BZW2: variants seen among roughly 807,000 people sequenced by gnomAD.
BZW2 encodes basic leucine zipper and W2 domains 2, also known as eIF5-mimic protein 1.
A neutral mutation model predicts 53.2 loss-of-function variants in BZW2; 23 were observed. That is an observed-to-expected ratio of 0.43 (90% CI 0.31 to 0.61). The LOEUF (loss-of-function observed/expected upper bound fraction) is 0.61, where lower values mean the gene tolerates loss of function less well. BZW2 is among the 20% of genes least tolerant of loss of function. BZW2 has a pLI of 0.09. For missense variants in BZW2, 409 were observed against 503.1 expected, an observed-to-expected ratio of 0.81 and a Z score of 1.79; for synonymous variants, 227 against 186.4, an observed-to-expected ratio of 1.22 and a Z score of -1.77.
At chr7:16,704,521 T>C (rs371420018) in intron 10 of BZW2, 26 bp from the exon 11 acceptor site, 2 of 1,502,538 alleles carry the variant, frequency 1.3e-6, no homozygotes, top group South Asian at 1.3e-5. Context: ...TATAGTAACT[T>C]TGAAATCTTT....
chr7:16,690,002 TG>T, intron 7 of BZW2, 96 bp downstream of exon 7: 4 of 775,498 alleles, frequency 5.2e-6, no homozygotes, highest in Non-Finnish European at 7.7e-6. Flanking sequence ...TCCCTGGATC[TG>T]TGTTGACTTG....
chr7:16,667,839 A>G (rs568543369), intron 2 of BZW2, among the ~76,000 whole-genome samples: 2 of 152,292 alleles, frequency 1.3e-5, no homozygotes, highest in African/African-American at 4.8e-5. Context: ...AGCCTGAGCC[A>G]CTTCTCTATT....
intron 1 of BZW2, among the ~76,000 whole-genome samples, chr7:16,656,555 G>GCGCA (rs1321463865): frequency 1.4e-3 from 191 of 141,296 alleles, no homozygotes; most frequent in African/African-American, 4.6e-3. Flanking sequence ...GCGCGCGCGC[G>GCGCA]CACACACACA....
rs1783426673 is a variant in BZW2 at position 16,694,794 on chromosome 7, G to A, written c.652-40G>A. The A allele has an allele frequency of 4.9e-6, 7 of 1,432,284 alleles. No individual in the cohort carries two copies. In the East Asian group the frequency reaches 1.6e-4, roughly 33 times the overall value. 88.7% of individuals were successfully genotyped at this position (1,432,284 alleles called of 1,614,324 possible). Reference sequence around the variant, plus strand: ...TTGTCCTTTATGCTTGCTGAAATTTGAATGGCTTGTTTTATAGCAGTCTTT... The same window carrying A: ...TTGTCCTTTATGCTTGCTGAAATTTAAATGGCTTGTTTTATAGCAGTCTTT... On this transcript the variant is annotated intron_variant, in intron 7 of 11. Transcript: ENST00000258761.
intron 1 of BZW2, among the ~76,000 whole-genome samples, chr7:16,658,013 G>A (rs1399128769): frequency 3.3e-5 from 5 of 152,204 alleles, no homozygotes; most frequent in Non-Finnish European, 7.3e-5. Flanking sequence ...TAGTGTATAT[G>A]TGTTTGTGTC....
chr7:16,676,573 T>C (rs1782771581), intron 3 of BZW2, among the ~76,000 whole-genome samples: 1 of 141,032 alleles, frequency 7.1e-6, no homozygotes, highest in Non-Finnish European at 1.5e-5. Context: ...CCTATTTACA[T>C]ACACCTTTAA....
At chr7:16,694,395 C>T (rs1783414456) in intron 7 of BZW2, among the ~76,000 whole-genome samples, 1 of 152,156 alleles carries the variant, frequency 6.6e-6, no homozygotes, top group Non-Finnish European at 1.5e-5. Flanking sequence ...GGTGGGGACT[C>T]TGCAGTGTCC....
chr7:16,683,062 G>A (rs1009582244), intron 5 of BZW2, among the ~76,000 whole-genome samples: 1 of 152,050 alleles, frequency 6.6e-6, no homozygotes, highest in African/African-American at 2.4e-5. Context: ...CGGGCATGGT[G>A]GCATGCACCT....
rs1369841398 is a variant in BZW2 at position 16,706,327 on chromosome 7, C to T, written c.*239C>T. 7 of 454,292 alleles carry T rather than the reference C, an allele frequency of 1.5e-5. No individual in the cohort carries two copies. The allele number at this position is 454,292 out of a possible 1,614,324, so 28.1% of individuals were successfully genotyped here. A position where few individuals can be genotyped will look rare whatever the true frequency, so the allele number is the denominator to read the frequency against. ...TCACTCACTATATGCTAACTTAAAG[C>T]CATTCAACAAGGAGTCAAGTAGATC... is the stretch of plus-strand genomic sequence containing the variant. On this transcript the variant is annotated 3_prime_UTR_variant, in exon 12 of 12. Transcript: ENST00000258761.
chr7:16,657,945 T>C (rs1782160976), intron 1 of BZW2, among the ~76,000 whole-genome samples: 1 of 152,202 alleles, frequency 6.6e-6, no homozygotes, highest in Non-Finnish European at 1.5e-5. Flanking sequence ...TAAAGTACCC[T>C]GAAACATTAT....
chr7:16,680,790 G>A (rs1020008293), intron 3 of BZW2, among the ~76,000 whole-genome samples: 5 of 151,978 alleles, frequency 3.3e-5, no homozygotes, highest in Admixed American at 6.6e-5. Context: ...GCAATAGAGC[G>A]AAACCCTGTC....
chr7:16,658,318 G>A (rs1012562303), intron 1 of BZW2, among the ~76,000 whole-genome samples: 1 of 152,194 alleles, frequency 6.6e-6, no homozygotes, highest in Non-Finnish European at 1.5e-5. Flanking sequence ...GTGACATTGT[G>A]TAGTTGCCTT....
intron 1 of BZW2, among the ~76,000 whole-genome samples, chr7:16,654,510 C>A (rs117121098): frequency 1.2e-4 from 2 of 16,852 alleles, no homozygotes; most frequent in Non-Finnish European, 1.0e-4. Context: ...CTGTATATAA[C>A]CCCCCCCCCC....
intron 6 of BZW2, chr7:16,687,319 CTT>C (rs1783157178): frequency 2.0e-5 from 3 of 152,230 alleles, no homozygotes; most frequent in African/African-American, 7.2e-5. Flanking sequence ...AGAAAAATAA[CTT>C]TGCTATGGAA....
At chr7:16,669,175 G>T (rs1303503182) in intron 2 of BZW2, among the ~76,000 whole-genome samples, 1 of 152,152 alleles carries the variant, frequency 6.6e-6, no homozygotes, top group African/African-American at 2.4e-5. Flanking sequence ...ATCTAGGCTG[G>T]AGTTCAGTGG....
chr7:16,694,249 G>A (rs1414357491), intron 7 of BZW2, among the ~76,000 whole-genome samples: 2 of 152,172 alleles, frequency 1.3e-5, no homozygotes, highest in Admixed American at 6.5e-5. Flanking sequence ...TAGGGTAGGT[G>A]TCTTAGACCT....
At chr7:16,690,114 G>C (rs1783254233) in intron 7 of BZW2, among the ~76,000 whole-genome samples, 1 of 152,110 alleles carries the variant, frequency 6.6e-6, no homozygotes, top group African/African-American at 2.4e-5. Context: ...AAAGAATTGT[G>C]AAGAATATAG....
At chr7:16,684,912 C>G (rs759574560) in intron 5 of BZW2, among the ~76,000 whole-genome samples, 2 of 152,126 alleles carry the variant, frequency 1.3e-5, no homozygotes, top group African/African-American at 4.8e-5. Flanking sequence ...ATTTTCTTAT[C>G]CCCTACACAG....
intron 9 of BZW2, 28 bp from the exon 10 acceptor site, chr7:16,698,020 C>T (rs769824877): frequency 8.1e-6 from 13 of 1,612,840 alleles, no homozygotes; most frequent in South Asian, 5.5e-5. Context: ...ACGCAAGTGA[C>T]GGCTTTTACT....
Sources: allele counts gnomAD v4.1 joint callset (sites outside exome capture counted in the v4.1 genomes callset), GRCh38; gene constraint gnomAD v4.1.1; transcripts MANE v1.5; gene names NCBI Gene and HGNC (gene_info 2026-07-23, HGNC 2026-07-21).